ZNF454: variants seen among roughly 807,000 people sequenced by gnomAD.
ZNF454 encodes the protein zinc finger protein 454.
Under a neutral mutation model 48.2 loss-of-function variants are expected in ZNF454, and 30 were observed. That is an observed-to-expected ratio of 0.62 (90% CI 0.47 to 0.84). ZNF454 has a LOEUF of 0.84. ZNF454 is among the 40% of genes least tolerant of loss of function. ZNF454 has a pLI of 0.00. For synonymous variants in ZNF454, 204 were observed against 211.4 expected (o/e 0.97, Z 0.30); for missense variants, 510 against 623.1 (o/e 0.82, Z 1.93).
intron 4 of ZNF454, among the ~76,000 whole-genome samples, chr5:178,956,606 G>A: frequency 6.6e-6 from 1 of 151,166 alleles, no homozygotes; most frequent in East Asian, 1.9e-4. Context: ...GAAAAGGATG[G>A]GAAGAGGATC....
intron 4 of ZNF454, among the ~76,000 whole-genome samples, chr5:178,956,680 TTTA>T (rs750872555): frequency 0.26 from 18,127 of 70,134 alleles, 1,538 homozygotes; most frequent in South Asian, 0.29. Context: ...ATTTAATTTA[TTTA>T]TTTATTTATT....
At chr5:178,982,576 C>CAAAAAAA in the ZNF454 span, among the ~76,000 whole-genome samples, 19 of 20,184 alleles carry the variant, frequency 9.4e-4, 3 homozygotes, top group East Asian at 1.5e-3. Context: ...GACTCTGTCT[C>CAAAAAAA]AAAAAAAAAA....
Position 178,946,291 on chromosome 5 carries a change from A to G in ZNF454, c.34-68A>G. The G allele has an allele frequency of 1.3e-6, 2 of 1,583,902 alleles. No homozygotes were observed. Among genetic ancestry groups the G allele is most frequent in the Middle Eastern group, 1.7e-4 (1 of 5,938 alleles). On this transcript the variant is annotated intron_variant, in intron 2 of 4. Coordinates refer to ENST00000519564, the MANE Select transcript of ZNF454 (RefSeq NM_001178089.3). This position sits in a 1 kb window ranked among gnomAD's most constrained non-coding sequence, Gnocchi z 4.5. ...TGCGCACAAGCTCCTAGGGGCTGCC[A>G]GTCTCTTTTCCAGAGAACCATGTGC... is the stretch of plus-strand genomic sequence containing the variant.
At chr5:178,949,649 G>A (rs745436332) in intron 4 of ZNF454, among the ~76,000 whole-genome samples, 2 of 150,786 alleles carry the variant, frequency 1.3e-5, no homozygotes, top group Non-Finnish European at 3.0e-5. Context: ...ACAGAGTCTC[G>A]TTCTGTCACC....
At chr5:178,950,007 T>G (rs1320991673) in intron 4 of ZNF454, among the ~76,000 whole-genome samples, 1 of 152,140 alleles carries the variant, frequency 6.6e-6, no homozygotes, top group Non-Finnish European at 1.5e-5. Flanking sequence ...TAATTTTCCA[T>G]TGTTGCACTA....
intron 4 of ZNF454, among the ~76,000 whole-genome samples, chr5:178,947,661 C>T (rs1334001090): frequency 6.6e-6 from 1 of 152,242 alleles, no homozygotes; most frequent in South Asian, 2.1e-4. Context: ...CTCATTGTAT[C>T]GGTGGCTTAA....
chr5:178,986,950 T>C, the ZNF454 span: 1 of 1,614,030 alleles, frequency 6.2e-7, no homozygotes. Context: ...CGCATCTCCG[T>C]TCTCGTTGAA....
rs200467241 is a variant in ZNF454, at chr5:178,964,902, T to C, written c.498T>C (p.Asp166=). The change falls in exon 5 of 5, where the codon GAT becomes GAC. Residue 166 remains aspartate, a synonymous_variant. Coordinates refer to ENST00000519564, the MANE Select transcript of ZNF454 (RefSeq NM_001178089.3). ...CTATGAGCTCATCTCTTCACAGTGA[T>C]CAAAGTCAGGGATTTCAACCTAGCA... ...GSTMSSSLHS[D]QSQGFQPSKN... is the part of the protein sequence containing the mutation. 2 of 1,614,212 alleles carry C rather than the reference T, an allele frequency of 1.2e-6. No individual in the cohort carries two copies. Among genetic ancestry groups the C allele is most frequent in the African/African-American group, 1.3e-5 (1 of 75,060 alleles).
the ZNF454 span, chr5:178,987,270 T>C: frequency 1.7e-6 from 1 of 586,990 alleles, no homozygotes; most frequent in Non-Finnish European, 3.2e-6. Flanking sequence ...TGGAGCCTCC[T>C]CAAAAGATTA....
At chr5:178,947,041 C>A in intron 4 of ZNF454, 55 bp downstream of exon 4, 1 of 1,484,956 alleles carries the variant, frequency 6.7e-7, no homozygotes, top group Non-Finnish European at 9.3e-7. Context: ...GTAGGGAAGG[C>A]TCCGTAGGGA....
the ZNF454 span, chr5:178,983,083 G>C: frequency 6.2e-7 from 1 of 1,614,106 alleles, no homozygotes; most frequent in South Asian, 1.1e-5. Context: ...CTGTAGCCCA[G>C]GCAGCCGATG....
chr5:178,970,338 C>G (rs1760219777), downstream of ZNF454, among the ~76,000 whole-genome samples: 1 of 152,114 alleles, frequency 6.6e-6, no homozygotes, highest in African/African-American at 2.4e-5. Flanking sequence ...TGCTTCTTGG[C>G]CCACCTCAAC....
At position 178,966,069 on chromosome 5, in the gene ZNF454, A is replaced by G; in HGVS notation, c.*96A>G. The stretch of plus-strand genomic sequence containing the variant: ...CTAGAGAATAACTATGAAAGCTTGC[A>G]TCAAGATAGTCACTTTATTTACTGA... On this transcript the variant is annotated 3_prime_UTR_variant, in exon 5 of 5. Transcript: ENST00000519564. The G allele has an allele frequency of 9.0e-7, 1 of 1,107,456 alleles. No homozygotes were observed. Among genetic ancestry groups the G allele is most frequent in the Non-Finnish European group, 1.3e-6 (1 of 778,054 alleles). The allele number at this position is 1,107,456 out of a possible 1,614,324, so 68.6% of individuals were successfully genotyped here. A position where few individuals can be genotyped will look rare whatever the true frequency, so the allele number is the denominator to read the frequency against.
At position 178,941,339 on chromosome 5, in the gene ZNF454, G is replaced by C. The variant is rs922587478; in HGVS notation, c.-213G>C. On this transcript the variant is annotated 5_prime_UTR_variant, in exon 1 of 5. Transcript: ENST00000519564. This position sits in a 1 kb window ranked among gnomAD's most constrained non-coding sequence, Gnocchi z 5.5. ...TCAAAGCCGCAGAGGGAGAGCGGGA[G>C]CGGTCGTGAGGTCGTCTGGGGAGAA... 5.1e-5 allele frequency: 23 copies of C among 453,196 alleles called. No homozygotes were observed. The highest frequency in any genetic ancestry group is 4.6e-4 in the African/African-American group (23 of 50,004). The allele number at this position is 453,196 out of a possible 1,614,324, so 28.1% of individuals were successfully genotyped here. A position where few individuals can be genotyped will look rare whatever the true frequency, so the allele number is the denominator to read the frequency against.
At chr5:178,984,616 G>A in the ZNF454 span, among the ~76,000 whole-genome samples, 1 of 152,140 alleles carries the variant, frequency 6.6e-6, no homozygotes, top group Non-Finnish European at 1.5e-5. Flanking sequence ...GAGGGTGGGG[G>A]AGCAGGAGCA....
At chr5:178,959,795 C>T (rs1423346025) in intron 4 of ZNF454, among the ~76,000 whole-genome samples, 15 of 151,724 alleles carry the variant, frequency 9.9e-5, no homozygotes, top group African/African-American at 2.4e-4. Context: ...TTAGTAGAGA[C>T]GGGGTTTCAC....
rs1399654434 is a variant in ZNF454, at chr5:178,944,289, A to G, written c.33+1465A>G. Among the ~76,000 whole-genome samples the G allele has an allele frequency of 2.0e-5, 3 of 152,036 alleles. No homozygotes were observed. Among genetic ancestry groups the G allele is most frequent in the African/African-American group, 7.2e-5 (3 of 41,396 alleles). Reference sequence around the variant, plus strand: ...TCACTTAGGACCCTTCTCATGCACCACTTTTTCTGCAAAACCTGTCCGCAC... The same window carrying G: ...TCACTTAGGACCCTTCTCATGCACCGCTTTTTCTGCAAAACCTGTCCGCAC... On this transcript the variant is annotated intron_variant, in intron 2 of 4. Coordinates refer to ENST00000519564, the MANE Select transcript of ZNF454 (RefSeq NM_001178089.3). This position sits in a 1 kb window ranked among gnomAD's most constrained non-coding sequence, Gnocchi z 4.1.
chr5:178,983,221 C>T, the ZNF454 span: 2 of 1,610,546 alleles, frequency 1.2e-6, no homozygotes. Context: ...ATCCCCACCA[C>T]CTGCAGGAGC....
At chr5:178,960,870 T>C (rs1759987094) in intron 4 of ZNF454, among the ~76,000 whole-genome samples, 1 of 151,624 alleles carries the variant, frequency 6.6e-6, no homozygotes, top group Non-Finnish European at 1.5e-5. Flanking sequence ...AGTGTCTATA[T>C]TTTTGGTATT....
Sources: gnomAD v4.1 joint callset for allele counts (sites outside exome capture counted in the v4.1 genomes callset) on GRCh38, gnomAD v4.1.1 for gene constraint, Gnocchi (gnomAD v3.1) non-coding constraint, MANE v1.5 for transcripts, NCBI Gene and HGNC (gene_info 2026-07-23, HGNC 2026-07-21) for gene names.